The following ALK variants were observed in gnomAD, a reference collection of about 807,000 sequenced individuals.
ALK encodes ALK receptor tyrosine kinase, also known as ALK tyrosine kinase receptor.
In ALK, 74 loss-of-function variants were observed where a neutral mutation model predicts 163.1. That is an observed-to-expected ratio of 0.45 (90% CI 0.38 to 0.55). The LOEUF (loss-of-function observed/expected upper bound fraction) is 0.55. Among genes scored for constraint, ALK ranks in the 20% least tolerant of loss-of-function variants. The pLI, the probability that ALK is intolerant of heterozygous loss-of-function variation, is 0.00. For synonymous variants in ALK, 960 were observed against 843.2 expected (o/e 1.14, Z -2.40); for missense variants, 2,063 against 2,105.3 (o/e 0.98, Z 0.39).
At chr2:29,433,389 T>G in intron 4 of ALK, among the ~76,000 whole-genome samples, 1 of 152,214 alleles carries the variant, frequency 6.6e-6, no homozygotes, top group South Asian at 2.1e-4. Flanking sequence ...TTCTAGAGGG[T>G]TTTGAGGAGG....
At chr2:29,230,500 G>T (rs1428819484) in intron 15 of ALK, among the ~76,000 whole-genome samples, 1 of 152,170 alleles carries the variant, frequency 6.6e-6, no homozygotes, top group East Asian at 1.9e-4. Context: ...AACCGGCCTG[G>T]CAGGGTTTCT....
intron 1 of ALK, among the ~76,000 whole-genome samples, chr2:29,910,617 A>G (rs1667676606): frequency 6.6e-6 from 1 of 152,190 alleles, no homozygotes; most frequent in Admixed American, 6.5e-5. Flanking sequence ...GAAAGACATA[A>G]CAGGAAACAG....
intron 5 of ALK, among the ~76,000 whole-genome samples, chr2:29,351,621 A>C (rs2148279897): frequency 6.6e-6 from 1 of 152,328 alleles, no homozygotes; most frequent in African/African-American, 2.4e-5. Context: ...TGGAGCAATC[A>C]GATTCTCAGT....
chr2:29,429,332 T>C (rs1356350197), intron 4 of ALK, among the ~76,000 whole-genome samples: 1 of 151,906 alleles, frequency 6.6e-6, no homozygotes, highest in Non-Finnish European at 1.5e-5. Context: ...TATTTGCAAA[T>C]GACATAACCT....
Position 29,209,774 on chromosome 2 carries a change from G to T in ALK, c.3836+12C>A. Reference sequence around the variant, plus strand: ...GAGACAGGCCCGGAGGGGTGAGGCAGTCTTTACTCACCTGTAGATGTCTCG... The same window carrying T: ...GAGACAGGCCCGGAGGGGTGAGGCATTCTTTACTCACCTGTAGATGTCTCG... On this transcript the variant is annotated intron_variant, in intron 25 of 28. Coordinates refer to ENST00000389048, the MANE Select transcript of ALK (RefSeq NM_004304.5). 6.2e-7 allele frequency: 1 copy of T among 1,607,200 alleles called. No homozygotes were observed. Among genetic ancestry groups the T allele is most frequent in the South Asian group, 1.1e-5 (1 of 90,950 alleles).
intron 1 of ALK, among the ~76,000 whole-genome samples, chr2:29,869,055 C>A (rs1464602343): frequency 1.3e-5 from 2 of 152,166 alleles, no homozygotes; most frequent in African/African-American, 4.8e-5. Context: ...TTTCACCCAT[C>A]CCCCAGCCAT....
intron 24 of ALK, 128 bp downstream of exon 24, chr2:29,213,856 A>C (rs890179775): frequency 2.3e-4 from 189 of 808,462 alleles, no homozygotes; most frequent in Non-Finnish European, 1.3e-4. Flanking sequence ...ATCATCCTAC[A>C]TCCAAATGGC....
chr2:29,554,391 GAGA>G (rs1224605321), intron 3 of ALK, among the ~76,000 whole-genome samples: 2 of 152,146 alleles, frequency 1.3e-5, no homozygotes, highest in African/African-American at 2.4e-5. Context: ...GCAAGGCTGG[GAGA>G]AGAAGATTTA....
intron 1 of ALK, among the ~76,000 whole-genome samples, chr2:29,868,758 G>T (rs1187121854): frequency 6.6e-6 from 1 of 152,206 alleles, no homozygotes; most frequent in Non-Finnish European, 1.5e-5. Context: ...ATGGGACTTT[G>T]ACATTCCTTC....
At chr2:29,242,479 C>A (rs1283731912) in intron 12 of ALK, among the ~76,000 whole-genome samples, 1 of 152,198 alleles carries the variant, frequency 6.6e-6, no homozygotes, top group Non-Finnish European at 1.5e-5. Flanking sequence ...TTGTTCCTGA[C>A]TCCTTTTACC....
At chr2:29,677,729 G>A (rs2541173) in intron 3 of ALK, among the ~76,000 whole-genome samples, 93,217 of 151,882 alleles carry the variant, frequency 0.61, 33,349 homozygotes, top group Non-Finnish European at 0.79. Context: ...GAGGGATATC[G>A]ATCAGGGGTT....
chr2:29,492,964 A>T (rs1166159391), intron 4 of ALK, among the ~76,000 whole-genome samples: 2 of 152,198 alleles, frequency 1.3e-5, no homozygotes, highest in Non-Finnish European at 2.9e-5. Flanking sequence ...CAAGCAGACA[A>T]ACCAATCTCG....
intron 4 of ALK, among the ~76,000 whole-genome samples, chr2:29,479,369 C>A (rs1341144431): frequency 1.3e-5 from 2 of 152,174 alleles, no homozygotes; most frequent in African/African-American, 4.8e-5. Flanking sequence ...CAAGCAGGCC[C>A]AGAGGACGCT....
intron 1 of ALK, among the ~76,000 whole-genome samples, chr2:29,738,310 C>T (rs753626549): frequency 6.6e-5 from 10 of 151,920 alleles, no homozygotes; most frequent in African/African-American, 7.3e-5. Context: ...GAAAAGTAAA[C>T]GATATATTAT....
chr2:29,664,389 T>C lies in ALK; in HGVS notation c.952+30461A>G, dbSNP rs146762157. On this transcript the variant is annotated intron_variant, in intron 3 of 28. Transcript: ENST00000389048. Reference sequence around the variant, plus strand: ...TAATACTGGTTCTCTTTTCTTTAGTTACCAAAACAGACCTCAGACTCACAG... The same window carrying C: ...TAATACTGGTTCTCTTTTCTTTAGTCACCAAAACAGACCTCAGACTCACAG... Among the ~76,000 whole-genome samples, 127 of 152,256 alleles carry C rather than the reference T, an allele frequency of 8.3e-4. 1 individual carries two copies. The highest frequency in any genetic ancestry group is 3.0e-3 in the African/African-American group (124 of 41,554).
chr2:29,478,586 C>T (rs1671584686), intron 4 of ALK, among the ~76,000 whole-genome samples: 1 of 152,260 alleles, frequency 6.6e-6, no homozygotes, highest in South Asian at 2.1e-4. Flanking sequence ...GCTGTGCTCT[C>T]AAGGCTCCTA....
chr2:29,502,789 G>T (rs1209585085), intron 4 of ALK, among the ~76,000 whole-genome samples: 1 of 152,130 alleles, frequency 6.6e-6, no homozygotes, highest in Non-Finnish European at 1.5e-5. Flanking sequence ...CAGATGGATG[G>T]GCTGGGTGCT....
Position 29,302,852 on chromosome 2 carries a change from C to T in ALK, c.1648-5795G>A, listed in dbSNP as rs542452891. Among the ~76,000 whole-genome samples the T allele has an allele frequency of 2.0e-5, 3 of 152,184 alleles. No individual in the cohort carries two copies. The South Asian group carries it at 6.2e-4, about 32-fold the overall frequency. On this transcript the variant is annotated intron_variant, in intron 8 of 28. Transcript: ENST00000389048. ...AAGAATGAAACTGGATCCCACCTCTCGCCATATACAAAAATTAATTCAAGA... is the reference window on the plus strand; with the variant it reads ...AAGAATGAAACTGGATCCCACCTCTTGCCATATACAAAAATTAATTCAAGA...
At chr2:29,472,733 C>A (rs1671377701) in intron 4 of ALK, among the ~76,000 whole-genome samples, 1 of 151,612 alleles carries the variant, frequency 6.6e-6, no homozygotes, top group South Asian at 2.1e-4. Context: ...ATACTAGTCA[C>A]AAAAGAAAAA....
Sources: allele counts gnomAD v4.1 joint callset (sites outside exome capture counted in the v4.1 genomes callset), GRCh38; gene constraint gnomAD v4.1.1; transcripts MANE v1.5; gene names NCBI Gene and HGNC (gene_info 2026-07-23, HGNC 2026-07-21).